The following GMDS variants were observed in gnomAD, a reference collection of about 807,000 sequenced individuals.
GMDS encodes the protein GDP-mannose 4,6 dehydratase.
GMDS carries 20 observed loss-of-function variants against 49.9 expected under a neutral mutation model. The ratio of observed to expected loss-of-function variants is 0.40; its 90% CI spans 0.28 to 0.58. GMDS has a LOEUF of 0.58. Ranked by LOEUF, GMDS falls within the 20% of genes least tolerant of loss-of-function variation. GMDS has a pLI of 0.42. For synonymous variants in GMDS, 177 were observed against 178.6 expected (o/e 0.99, Z 0.07); for missense variants, 362 against 481.4 (o/e 0.75, Z 2.32).
chr6:1,984,791 G>C (rs1290007354), intron 4 of GMDS, among the ~76,000 whole-genome samples: 1 of 152,124 alleles, frequency 6.6e-6, no homozygotes, highest in Non-Finnish European at 1.5e-5. Flanking sequence ...AATTCCAGTA[G>C]GCCACAATTC....
chr6:2,176,046 TG>T, intron 1 of GMDS: 1 of 1,494,006 alleles, frequency 6.7e-7, no homozygotes, highest in Non-Finnish European at 9.0e-7. Context: ...GTCAAGAGGC[TG>T]AAGACAGCAG....
intron 4 of GMDS, among the ~76,000 whole-genome samples, chr6:2,010,144 T>A (rs912941786): frequency 1.3e-5 from 2 of 151,922 alleles, no homozygotes; most frequent in African/African-American, 4.8e-5. Flanking sequence ...CTGGCCAACA[T>A]GGTGAAACCC....
intron 7 of GMDS, among the ~76,000 whole-genome samples, chr6:1,871,244 C>A (rs190558804): frequency 6.2e-4 from 95 of 152,308 alleles, no homozygotes; most frequent in African/African-American, 2.3e-3. Flanking sequence ...TTGAGACGTT[C>A]TGGCATTTTT....
intron 7 of GMDS, among the ~76,000 whole-genome samples, chr6:1,849,081 A>C (rs1208965290): frequency 2.0e-5 from 3 of 152,172 alleles, no homozygotes; most frequent in Admixed American, 6.5e-5. Flanking sequence ...CTGGGGGACA[A>C]AATTGCCACC....
At chr6:1,919,274 G>A (rs181101302) in intron 7 of GMDS, among the ~76,000 whole-genome samples, 21 of 152,304 alleles carry the variant, frequency 1.4e-4, no homozygotes, top group Non-Finnish European at 8.8e-5. Flanking sequence ...TCTCTCTATA[G>A]TGAGAGCCCA....
intron 7 of GMDS, among the ~76,000 whole-genome samples, chr6:1,919,841 T>C (rs1388783673): frequency 6.6e-6 from 1 of 152,170 alleles, no homozygotes. Flanking sequence ...TGTTGCCAGG[T>C]CTTACCGTTG....
intron 7 of GMDS, among the ~76,000 whole-genome samples, chr6:1,862,209 TG>T (rs1758222073): frequency 6.6e-6 from 1 of 152,230 alleles, no homozygotes; most frequent in Admixed American, 6.5e-5. Context: ...AAAATAACGT[TG>T]TTTGATGACT....
In GMDS at chr6:2,049,506, A is replaced by G. The variant is rs185542690; in HGVS notation, c.345+66265T>C. Among the ~76,000 whole-genome samples the G allele has an allele frequency of 3.6e-3, 548 of 152,280 alleles. 3 individuals carry two copies. The highest frequency in any genetic ancestry group is 0.012 in the African/African-American group (509 of 41,570). On this transcript the variant is annotated intron_variant, in intron 4 of 10. Coordinates refer to ENST00000380815, the MANE Select transcript of GMDS (RefSeq NM_001500.4). ...ATAATCTCCCCCAACACAAATGTTC[A>G]TGTTCTAGTCCTCAGAACCTGTGAC...
chr6:1,726,630 C>T (rs1357013897), intron 8 of GMDS, 118 bp from the exon 9 acceptor site: 1 of 703,156 alleles, frequency 1.4e-6, no homozygotes, highest in African/African-American at 1.7e-5. Context: ...TCATTAACCA[C>T]AGCAGCACAG....
chr6:2,203,401 C>T (rs563624924), intron 1 of GMDS, among the ~76,000 whole-genome samples: 3 of 152,268 alleles, frequency 2.0e-5, no homozygotes, highest in East Asian at 1.9e-4. Context: ...TTGTATGCTC[C>T]TGCCTAGTGA....
intron 7 of GMDS, among the ~76,000 whole-genome samples, chr6:1,859,065 G>C (rs1210275484): frequency 6.6e-6 from 1 of 152,150 alleles, no homozygotes; most frequent in Non-Finnish European, 1.5e-5. Flanking sequence ...TGCTTTGTTT[G>C]CAGTCAGACC....
intron 9 of GMDS, among the ~76,000 whole-genome samples, chr6:1,720,610 G>C (rs1766348429): frequency 6.6e-6 from 1 of 152,198 alleles, no homozygotes; most frequent in African/African-American, 2.4e-5. Context: ...AGCACAGGAT[G>C]CCAGGATATT....
At chr6:1,757,397 G>A (rs1473684351) in intron 7 of GMDS, among the ~76,000 whole-genome samples, 1 of 152,126 alleles carries the variant, frequency 6.6e-6, no homozygotes, top group African/African-American at 2.4e-5. Flanking sequence ...CGGATACCTG[G>A]GTAAGCCATT....
chr6:1,699,829 C>T (rs920224991), intron 9 of GMDS, among the ~76,000 whole-genome samples: 1 of 152,204 alleles, frequency 6.6e-6, no homozygotes, highest in Non-Finnish European at 1.5e-5. Flanking sequence ...TGGGGACATT[C>T]TCCTGTGTGC....
chr6:1,718,497 T>C (rs1581502560), intron 9 of GMDS, among the ~76,000 whole-genome samples: 1 of 152,302 alleles, frequency 6.6e-6, no homozygotes, highest in East Asian at 1.9e-4. Context: ...TCTCCATCTC[T>C]GCCATGTTCT....
chr6:1,974,727 G>A (rs1451574309), intron 4 of GMDS, among the ~76,000 whole-genome samples: 2 of 152,030 alleles, frequency 1.3e-5, no homozygotes, highest in African/African-American at 4.8e-5. Flanking sequence ...GATTACTAAT[G>A]CCCATAAAAA....
At chr6:2,073,855 C>T (rs188531277) in intron 4 of GMDS, among the ~76,000 whole-genome samples, 10 of 152,226 alleles carry the variant, frequency 6.6e-5, no homozygotes, top group Non-Finnish European at 8.8e-5. Context: ...TTATGTTTTA[C>T]GGCCAAATAA....
intron 7 of GMDS, among the ~76,000 whole-genome samples, chr6:1,907,784 T>C (rs537662711): frequency 6.6e-6 from 1 of 152,270 alleles, no homozygotes; most frequent in East Asian, 1.9e-4. Context: ...AAACATAAGT[T>C]GCATGTCCAT....
At chr6:2,159,514 CTTTTTTTTTTTTTT>C (rs1157303919) in intron 1 of GMDS, among the ~76,000 whole-genome samples, 8 of 108,204 alleles carry the variant, frequency 7.4e-5, no homozygotes, top group Non-Finnish European at 1.2e-4. Context: ...TTCTTTTTTT[CTTTTTTTTTTTTTT>C]TTTTTTTTGA....
Sources: allele counts gnomAD v4.1 joint callset (sites outside exome capture counted in the v4.1 genomes callset), GRCh38; gene constraint gnomAD v4.1.1; transcripts MANE v1.5; gene names NCBI Gene and HGNC (gene_info 2026-07-23, HGNC 2026-07-21).